Variants in PCDHGA3 observed in about 807,000 individuals in gnomAD.
PCDHGA3 encodes protocadherin gamma-A3.
A neutral mutation model predicts 58.5 loss-of-function variants in PCDHGA3; 40 were observed. That is an observed-to-expected ratio of 0.68 (90% CI 0.53 to 0.89). The LOEUF is 0.89. PCDHGA3 is among the 40% of genes least tolerant of loss of function. The pLI, the probability that PCDHGA3 is intolerant of heterozygous loss-of-function variation, is 0.00. For missense variants in PCDHGA3, 1,223 were observed against 1,195.9 expected (o/e 1.02, Z -0.33); for synonymous variants, 530 against 525.7 (o/e 1.01, Z -0.11).
chr5:141,361,037 T>C, intron 1 of PCDHGA3: 1 of 1,613,390 alleles, frequency 6.2e-7, no homozygotes, highest in Non-Finnish European at 8.5e-7. Flanking sequence ...ACAGGAGAAA[T>C]CACGACAAAG....
chr5:141,412,839 G>A, intron 1 of PCDHGA3: 1 of 203,324 alleles, frequency 4.9e-6, no homozygotes, highest in Admixed American at 5.8e-5. Context: ...TTAAAGATAG[G>A]AGTGGAGAAA....
At chr5:141,409,933 GGT>G in intron 1 of PCDHGA3, 1 of 1,613,354 alleles carries the variant, frequency 6.2e-7, no homozygotes, top group East Asian at 2.2e-5. Flanking sequence ...TCTTCGATAT[GGT>G]ACCTCGCTCT....
intron 1 of PCDHGA3, chr5:141,371,300 CA>C: frequency 6.2e-7 from 1 of 1,613,950 alleles, no homozygotes; most frequent in Non-Finnish European, 8.5e-7. Flanking sequence ...GGGAACTCAC[CA>C]CTATTGGAGA....
At chr5:141,415,312 A>G (rs1245475147) in intron 1 of PCDHGA3, 1 of 1,614,222 alleles carries the variant, frequency 6.2e-7, no homozygotes, top group Non-Finnish European at 8.5e-7. Context: ...GGCCTTCGTC[A>G]TCGTGCTGCT....
Position 141,346,023 on chromosome 5 carries a change from G to A in PCDHGA3, c.1990G>A (p.Val664Met), listed in dbSNP as rs371997485. 6.2e-7 allele frequency: 1 copy of A among 1,613,446 alleles called. No individual in the cohort carries two copies. Among genetic ancestry groups the A allele is most frequent in the Non-Finnish European group, 8.5e-7 (1 of 1,179,822 alleles). The change falls in exon 1 of 4, where the codon GTG (valine) becomes ATG (methionine). Residue 664 changes from valine (V) to methionine (M), a missense_variant. Coordinates refer to ENST00000253812, the MANE Select transcript of PCDHGA3 (RefSeq NM_018916.4). Reference protein sequence around the residue: ...LSATVTLTVAVADRIPDILAD... With the variant: ...LSATVTLTVAMADRIPDILAD... Reference sequence around the variant, plus strand: ...CGCCACTGTCACGCTCACCGTGGCCGTGGCCGACAGGATCCCCGACATCCT... The same window carrying A: ...CGCCACTGTCACGCTCACCGTGGCCATGGCCGACAGGATCCCCGACATCCT...
chr5:141,376,151 A>T lies in PCDHGA3; in HGVS notation c.2424+29694A>T. ...CGCCAAACCCAACGATTCGGACCTC[A>T]CTCTGTACCTGGTGGTGGCGGTGGC... On this transcript the variant is annotated intron_variant, in intron 1 of 3. Coordinates refer to ENST00000253812, the MANE Select transcript of PCDHGA3 (RefSeq NM_018916.4). The T allele has an allele frequency of 1.9e-6, 3 of 1,612,748 alleles. No individual in the cohort carries two copies. In the South Asian group the frequency reaches 3.3e-5, roughly 18 times the overall value.
Position 141,489,087 on chromosome 5 carries a change from T to TCAAA in PCDHGA3, c.2425-5720_2425-5719insCAAA. 4.6e-6 allele frequency: 1 copy of TCAAA among 216,106 alleles called. No individual in the cohort carries two copies. The highest frequency in any genetic ancestry group is 8.4e-6 in the Non-Finnish European group (1 of 118,736). The allele number at this position is 216,106 out of a possible 1,614,324, so 13.4% of individuals were successfully genotyped here. On this transcript the variant is annotated intron_variant, in intron 1 of 3. Coordinates refer to ENST00000253812, the MANE Select transcript of PCDHGA3 (RefSeq NM_018916.4). This position sits in a 1 kb window ranked among gnomAD's most constrained non-coding sequence, Gnocchi z 4.5. The stretch of plus-strand genomic sequence containing the variant: ...CCCCCTGCCCACCCCCGCCACTCGG[T>TCAAA]GACTAAGAACTGCTGCAAGCAGGCA...
At chr5:141,464,408 T>C (rs2154568477) in intron 1 of PCDHGA3, among the ~76,000 whole-genome samples, 1 of 151,718 alleles carries the variant, frequency 6.6e-6, no homozygotes, top group African/African-American at 2.4e-5. Flanking sequence ...CTGAGATATA[T>C]ATATATCTAT....
intron 1 of PCDHGA3, chr5:141,426,685 A>C (rs1342844985): frequency 4.6e-6 from 2 of 432,608 alleles, no homozygotes; most frequent in African/African-American, 2.0e-5. Flanking sequence ...CATTTTCCCC[A>C]AAATAGCATT....
Position 141,454,782 on chromosome 5 carries a change from C to A in PCDHGA3, c.2425-40025C>A, listed in dbSNP as rs116242508. On this transcript the variant is annotated intron_variant, in intron 1 of 3. Transcript: ENST00000253812. ...GACATGTTTTTTACAAGGAAATAAT[C>A]CTCCATGGTTCTAATTTTTTTTTTT... is the stretch of plus-strand genomic sequence containing the variant. 8.4e-3 allele frequency among the ~76,000 whole-genome samples: 1,205 copies of A among 143,216 alleles called. 20 individuals are homozygous for A. Among genetic ancestry groups the A allele is most frequent in the African/African-American group, 0.03 (1,150 of 37,952 alleles). The allele number at this position is 143,216 out of a possible 152,430, so 94.0% of individuals were successfully genotyped here. A position where few individuals can be genotyped will look rare whatever the true frequency, so the allele number is the denominator to read the frequency against.
chr5:141,393,584 A>G, intron 1 of PCDHGA3: 1 of 1,613,892 alleles, frequency 6.2e-7, no homozygotes, highest in African/African-American at 1.3e-5. Context: ...ACATGCCCCC[A>G]GGCACGCGGC....
chr5:141,409,033 A>C, intron 1 of PCDHGA3: 1 of 1,614,028 alleles, frequency 6.2e-7, no homozygotes, highest in South Asian at 1.1e-5. Context: ...ATGCTGAGAT[A>C]AACTACTACT....
At chr5:141,389,170 C>CCCTCT (rs2091633405) in intron 1 of PCDHGA3, 3 of 1,614,006 alleles carry the variant, frequency 1.9e-6, no homozygotes, top group Non-Finnish European at 2.5e-6. Context: ...GGCAAGCCTC[C>CCCTCT]CCTCTCCTCC....
chr5:141,510,656 A>C (rs761093897), intron 3 of PCDHGA3, among the ~76,000 whole-genome samples: 4 of 152,304 alleles, frequency 2.6e-5, no homozygotes, highest in Non-Finnish European at 5.9e-5. Flanking sequence ...CCCATTTTGC[A>C]GATGAGAAAA....
intron 1 of PCDHGA3, chr5:141,383,386 G>C (rs1199066955): frequency 1.2e-6 from 2 of 1,614,000 alleles, no homozygotes; most frequent in Non-Finnish European, 1.7e-6. Context: ...TCCAGATGTG[G>C]GCACGAACTC....
chr5:141,426,756 G>A, intron 1 of PCDHGA3: 1 of 456,302 alleles, frequency 2.2e-6, no homozygotes. Context: ...ATCTGCTATA[G>A]ATGCAGATGT....
At chr5:141,382,942 C>A (rs763091165) in intron 1 of PCDHGA3, 5 of 1,595,522 alleles carry the variant, frequency 3.1e-6, no homozygotes, top group Non-Finnish European at 4.3e-6. Flanking sequence ...AGGATTCTTC[C>A]TGCTCTCCAT....
intron 2 of PCDHGA3, among the ~76,000 whole-genome samples, chr5:141,500,939 G>T (rs2099804123): frequency 6.6e-6 from 1 of 151,680 alleles, no homozygotes; most frequent in South Asian, 2.1e-4. Context: ...CGCCATCTCG[G>T]CTCACTGCAA....
At chr5:141,433,848 A>AAC (rs1403081382) in intron 1 of PCDHGA3, among the ~76,000 whole-genome samples, 1 of 151,964 alleles carries the variant, frequency 6.6e-6, no homozygotes, top group South Asian at 2.1e-4. Context: ...AAAAAAAAAA[A>AAC]AAAAAAACTT....
Sources: allele counts gnomAD v4.1 joint callset (sites outside exome capture counted in the v4.1 genomes callset), GRCh38; gene constraint gnomAD v4.1.1; non-coding constraint Gnocchi (gnomAD v3.1); transcripts MANE v1.5; gene names NCBI Gene and HGNC (gene_info 2026-07-23, HGNC 2026-07-21).